CNTN5: variants seen among roughly 807,000 people sequenced by gnomAD.
The protein encoded by CNTN5 is contactin-5.
In CNTN5, 77 loss-of-function variants were observed where a neutral mutation model predicts 129.1. The observed-to-expected ratio is 0.60, with a 90% confidence interval of 0.50 to 0.72. The LOEUF is 0.72. Among genes scored for constraint, CNTN5 ranks in the 30% least tolerant of loss-of-function variants. The pLI, the probability that CNTN5 is intolerant of heterozygous loss-of-function variation, is 0.00. For synonymous variants in CNTN5, 509 were observed against 465.6 expected (o/e 1.09, Z -1.20); for missense variants, 1,478 against 1,328.8 (o/e 1.11, Z -1.75).
intron 4 of CNTN5, among the ~76,000 whole-genome samples, chr11:99,823,881 A>G (rs572039282): frequency 6.6e-6 from 1 of 152,074 alleles, no homozygotes; most frequent in Non-Finnish European, 1.5e-5. Flanking sequence ...CCTATAAAGT[A>G]CATGTACTGT....
intron 1 of CNTN5, among the ~76,000 whole-genome samples, chr11:99,139,343 G>A (rs551921456): frequency 6.6e-6 from 1 of 152,194 alleles, no homozygotes; most frequent in Non-Finnish European, 1.5e-5. Context: ...AGAGAAACTT[G>A]CAAACACAGG....
At chr11:100,165,965 A>G (rs1161811327) in intron 13 of CNTN5, among the ~76,000 whole-genome samples, 1 of 151,732 alleles carries the variant, frequency 6.6e-6, no homozygotes, top group Non-Finnish European at 1.5e-5. Context: ...CTGAGCTTTC[A>G]GTTTAAAGTG....
At chr11:99,817,820 C>T (rs1946643175) in intron 3 of CNTN5, among the ~76,000 whole-genome samples, 1 of 150,884 alleles carries the variant, frequency 6.6e-6, no homozygotes, top group Non-Finnish European at 1.5e-5. Context: ...ATAATCTGTT[C>T]ACATATAGTT....
Position 100,011,864 on chromosome 11 carries a change from T to C in CNTN5, c.980+9728T>C, listed in dbSNP as rs550084610. Among the ~76,000 whole-genome samples the C allele has an allele frequency of 3.2e-4, 49 of 152,288 alleles. 1 individual carries two copies. Among genetic ancestry groups the C allele is most frequent in the South Asian group, 1.9e-3 (9 of 4,828 alleles). On this transcript the variant is annotated intron_variant, in intron 9 of 24. Transcript: ENST00000524871. Reference sequence around the variant, plus strand: ...CTCAAATGGCTGCTCTTGTGTCCCATTGTAACTGTGAGAATGACAAATATT... The same window carrying C: ...CTCAAATGGCTGCTCTTGTGTCCCACTGTAACTGTGAGAATGACAAATATT...
intron 13 of CNTN5, among the ~76,000 whole-genome samples, chr11:100,093,624 A>G (rs574511044): frequency 2.0e-5 from 3 of 152,066 alleles, no homozygotes; most frequent in Non-Finnish European, 2.9e-5. Flanking sequence ...TTGAAAATAT[A>G]TATAATAAAG....
chr11:99,956,704 C>T, intron 7 of CNTN5, 102 bp from the exon 8 acceptor site: 1 of 748,448 alleles, frequency 1.3e-6, no homozygotes, highest in Non-Finnish European at 2.3e-6. Flanking sequence ...TATGTATGAC[C>T]TTGCAATATA....
Position 99,986,915 on chromosome 11 carries a change from T to C in CNTN5, c.878-15119T>C, listed in dbSNP as rs560857886. Among the ~76,000 whole-genome samples, 68 of 152,242 alleles carry C rather than the reference T, an allele frequency of 4.5e-4. No individual in the cohort carries two copies. The South Asian group carries it at 0.014, about 31-fold the overall frequency. ...AAAGAGAGATGTAATAGGAATCAAA[T>C]TGACAGAACTTGATAATTGACTGAT... On this transcript the variant is annotated intron_variant, in intron 8 of 24. Transcript: ENST00000524871.
chr11:99,178,367 CAA>C (rs1485258377), intron 1 of CNTN5, among the ~76,000 whole-genome samples: 3 of 120,034 alleles, frequency 2.5e-5, no homozygotes, highest in African/African-American at 3.2e-5. Flanking sequence ...CACACACACA[CAA>C]AATTAGCCAG....
chr11:99,599,579 T>C (rs1165661681), intron 3 of CNTN5, among the ~76,000 whole-genome samples: 1 of 152,174 alleles, frequency 6.6e-6, no homozygotes, highest in African/African-American at 2.4e-5. Flanking sequence ...TAAAGTAAAG[T>C]GAGTTATACT....
chr11:99,389,561 C>A (rs1266352723), intron 2 of CNTN5, among the ~76,000 whole-genome samples: 2 of 152,136 alleles, frequency 1.3e-5, no homozygotes, highest in Non-Finnish European at 2.9e-5. Flanking sequence ...AGATAAGAAT[C>A]AGCATAGTGT....
intron 13 of CNTN5, among the ~76,000 whole-genome samples, chr11:100,098,097 T>A (rs1232380679): frequency 1.3e-5 from 2 of 152,034 alleles, no homozygotes; most frequent in African/African-American, 4.8e-5. Flanking sequence ...ATGCAAACGT[T>A]CTTTCTGGTC....
At chr11:99,686,029 A>T (rs1953776372) in intron 3 of CNTN5, among the ~76,000 whole-genome samples, 2 of 152,106 alleles carry the variant, frequency 1.3e-5, no homozygotes, top group Non-Finnish European at 2.9e-5. Flanking sequence ...GAAAGAACAA[A>T]AAGAATTTGT....
intron 3 of CNTN5, among the ~76,000 whole-genome samples, chr11:99,594,467 G>A (rs1031512382): frequency 7.2e-5 from 11 of 152,176 alleles, no homozygotes; most frequent in Admixed American, 2.0e-4. Flanking sequence ...TCAATTCATA[G>A]CATGCAGTTG....
At chr11:100,340,721 G>A (rs1373078751) in intron 22 of CNTN5, 72 bp downstream of exon 22, 3 of 1,328,810 alleles carry the variant, frequency 2.3e-6, no homozygotes, top group Admixed American at 2.6e-5. Flanking sequence ...AAAGCCACGT[G>A]AGGTGCATAA....
At chr11:99,367,138 A>T (rs565082155) in intron 2 of CNTN5, among the ~76,000 whole-genome samples, 1 of 152,288 alleles carries the variant, frequency 6.6e-6, no homozygotes, top group South Asian at 2.1e-4. Context: ...ATCACCTGAA[A>T]TTTTTAGCAC....
At chr11:100,262,480 C>T (rs1950219264) in intron 17 of CNTN5, among the ~76,000 whole-genome samples, 1 of 152,024 alleles carries the variant, frequency 6.6e-6, no homozygotes, top group East Asian at 1.9e-4. Context: ...ACTATAAAGA[C>T]ACATGAACAT....
At chr11:99,326,032 G>A (rs11600269) in intron 2 of CNTN5, among the ~76,000 whole-genome samples, 40,044 of 152,120 alleles carry the variant, frequency 0.26, 5,845 homozygotes, top group Non-Finnish European at 0.33. Flanking sequence ...CAACAGCTCC[G>A]CATTCTTACA....
intron 2 of CNTN5, among the ~76,000 whole-genome samples, chr11:99,529,658 A>C (rs375970396): frequency 6.6e-6 from 1 of 152,226 alleles, no homozygotes; most frequent in African/African-American, 2.4e-5. Flanking sequence ...TAACAAAATA[A>C]TTATTTCAAT....
intron 7 of CNTN5, among the ~76,000 whole-genome samples, chr11:99,953,574 G>A (rs1025155929): frequency 1.3e-5 from 2 of 152,168 alleles, no homozygotes; most frequent in Non-Finnish European, 2.9e-5. Context: ...GATCTTGGAA[G>A]CAAGGTACAT....
Sources: gnomAD v4.1 joint callset for allele counts (sites outside exome capture counted in the v4.1 genomes callset) on GRCh38, gnomAD v4.1.1 for gene constraint, MANE v1.5 for transcripts, NCBI Gene and HGNC (gene_info 2026-07-23, HGNC 2026-07-21) for gene names.